Variants in MAML3 observed in about 807,000 individuals in gnomAD.
MAML3 encodes mastermind-like protein 3.
Under a neutral mutation model 101.9 loss-of-function variants are expected in MAML3, and 27 were observed. That is an observed-to-expected ratio of 0.27 (90% CI 0.20 to 0.37). The LOEUF is 0.37. Among genes scored for constraint, MAML3 ranks in the 10% least tolerant of loss-of-function variants. MAML3 has a pLI of 1.00. For missense variants in MAML3, 1,316 were observed against 1,444.9 expected (o/e 0.91, Z 1.45); for synonymous variants, 501 against 555.9 (o/e 0.90, Z 1.39).
At chr4:139,911,700 T>G (rs1019007186) in intron 1 of MAML3, among the ~76,000 whole-genome samples, 1 of 152,140 alleles carries the variant, frequency 6.6e-6, no homozygotes, top group Non-Finnish European at 1.5e-5. Context: ...TCATGAAAGG[T>G]AGTGCCCTTA....
At chr4:140,042,590 C>T (rs536421738) in intron 1 of MAML3, among the ~76,000 whole-genome samples, 93 of 151,904 alleles carry the variant, frequency 6.1e-4, no homozygotes, top group African/African-American at 1.9e-3. Flanking sequence ...GCTGAGATCA[C>T]GCCACTGCAC....
intron 2 of MAML3, among the ~76,000 whole-genome samples, chr4:139,806,727 T>A (rs1730706458): frequency 6.6e-6 from 1 of 152,198 alleles, no homozygotes; most frequent in Admixed American, 6.5e-5. Context: ...TTAAATAATT[T>A]ATGGGAAAAT....
chr4:139,942,321 C>G (rs1432776001), intron 1 of MAML3, among the ~76,000 whole-genome samples: 1 of 152,054 alleles, frequency 6.6e-6, no homozygotes, highest in Non-Finnish European at 1.5e-5. Flanking sequence ...GAGTCCATGC[C>G]CACTTACAGC....
At chr4:140,040,141 T>TCC (rs1727057024) in intron 1 of MAML3, among the ~76,000 whole-genome samples, 1 of 152,212 alleles carries the variant, frequency 6.6e-6, no homozygotes, top group Admixed American at 6.5e-5. Context: ...ATATCTGGTC[T>TCC]CAGAGACACA....
chr4:140,071,522 A>T (rs1012663284), intron 1 of MAML3, among the ~76,000 whole-genome samples: 5 of 152,136 alleles, frequency 3.3e-5, no homozygotes, highest in Non-Finnish European at 5.9e-5. Flanking sequence ...AACTCAAGAC[A>T]TCTACTTTTT....
At chr4:140,074,042 C>T (rs143566860) in intron 1 of MAML3, among the ~76,000 whole-genome samples, 2,478 of 151,524 alleles carry the variant, frequency 0.016, 51 homozygotes, top group African/African-American at 0.055. Context: ...TGAGGCAGGA[C>T]AATAGCTTAA....
At chr4:140,050,592 A>G (rs930283579) in intron 1 of MAML3, among the ~76,000 whole-genome samples, 2 of 152,120 alleles carry the variant, frequency 1.3e-5, no homozygotes, top group African/African-American at 2.4e-5. Context: ...GCTCCACTGA[A>G]CACATTTCTC....
chr4:139,968,236 G>A (rs1734173426), intron 1 of MAML3, among the ~76,000 whole-genome samples: 1 of 151,244 alleles, frequency 6.6e-6, no homozygotes. Flanking sequence ...ACTGAACCTC[G>A]GAGGTGGAGG....
At chr4:140,039,052 G>C (rs909984104) in intron 1 of MAML3, among the ~76,000 whole-genome samples, 2 of 152,150 alleles carry the variant, frequency 1.3e-5, no homozygotes, top group Non-Finnish European at 2.9e-5. Context: ...CTGGGAGGTG[G>C]AGGTTGCAGT....
chr4:139,847,624 A>T (rs1182216105), intron 2 of MAML3, among the ~76,000 whole-genome samples: 2 of 152,240 alleles, frequency 1.3e-5, no homozygotes, highest in African/African-American at 4.8e-5. Flanking sequence ...GGTGAACAGG[A>T]TCAATTAAGT....
At chr4:139,813,520 C>T (rs1189260144) in intron 2 of MAML3, among the ~76,000 whole-genome samples, 1 of 152,174 alleles carries the variant, frequency 6.6e-6, no homozygotes, top group Non-Finnish European at 1.5e-5. Flanking sequence ...AAAATTCCTC[C>T]TGAAAGTTAT....
intron 2 of MAML3, among the ~76,000 whole-genome samples, chr4:139,782,486 G>C (rs916006762): frequency 6.6e-6 from 1 of 152,136 alleles, no homozygotes; most frequent in Admixed American, 6.6e-5. Flanking sequence ...GATCAAGCTG[G>C]CATGGTGAAA....
intron 2 of MAML3, among the ~76,000 whole-genome samples, chr4:139,877,710 C>T (rs557258759): frequency 5.9e-5 from 9 of 152,302 alleles, no homozygotes; most frequent in African/African-American, 2.2e-4. Context: ...GCTTGCTTCA[C>T]ACCTTTTGCA....
intron 1 of MAML3, among the ~76,000 whole-genome samples, chr4:139,892,981 G>A (rs1319354139): frequency 6.7e-6 from 1 of 149,792 alleles, no homozygotes; most frequent in Non-Finnish European, 1.5e-5. Flanking sequence ...AAAACCACCT[G>A]GCTCCTGCTC....
At chr4:139,903,839 A>T (rs1188933037) in intron 1 of MAML3, among the ~76,000 whole-genome samples, 1 of 152,226 alleles carries the variant, frequency 6.6e-6, no homozygotes, top group Non-Finnish European at 1.5e-5. Context: ...AGGCACTCAC[A>T]ATGTCAGTGT....
intron 1 of MAML3, among the ~76,000 whole-genome samples, chr4:140,066,593 T>G (rs575307066): frequency 6.6e-6 from 1 of 152,170 alleles, no homozygotes; most frequent in Non-Finnish European, 1.5e-5. Context: ...GAATTCCAAT[T>G]TAGTTCAGAA....
chr4:139,807,157 C>T (rs888227056), intron 2 of MAML3, among the ~76,000 whole-genome samples: 2 of 152,104 alleles, frequency 1.3e-5, no homozygotes, highest in African/African-American at 4.8e-5. Context: ...GCTCTATGAC[C>T]CTAAATAAGC....
chr4:139,886,842 T>C (rs539700031), intron 2 of MAML3, among the ~76,000 whole-genome samples: 1 of 152,366 alleles, frequency 6.6e-6, no homozygotes, highest in East Asian at 1.9e-4. Flanking sequence ...CCCTGTTTTT[T>C]GAAATATACA....
At chr4:140,087,283 A>G (rs186800142) in intron 1 of MAML3, among the ~76,000 whole-genome samples, 6 of 152,230 alleles carry the variant, frequency 3.9e-5, no homozygotes, top group Admixed American at 6.5e-5. Flanking sequence ...ATGCTATCTT[A>G]TATATCCTCT....
Sources: allele counts gnomAD v4.1 joint callset (sites outside exome capture counted in the v4.1 genomes callset), GRCh38; gene constraint gnomAD v4.1.1; transcripts MANE v1.5; gene names NCBI Gene and HGNC (gene_info 2026-07-23, HGNC 2026-07-21).